The following ZNF362 variants were observed in gnomAD, a reference collection of about 807,000 sequenced individuals.
The protein encoded by ZNF362 is rotund homolog.
A neutral mutation model predicts 42.9 loss-of-function variants in ZNF362; 11 were observed. That is an observed-to-expected ratio of 0.26 (90% CI 0.16 to 0.42). ZNF362 has a LOEUF of 0.42. Among genes scored for constraint, ZNF362 ranks in the 20% least tolerant of loss-of-function variants. ZNF362 has a pLI of 1.00. For missense variants in ZNF362, 362 were observed against 576.2 expected (o/e 0.63, Z 3.81); for synonymous variants, 255 against 257.3 (o/e 0.99, Z 0.09).
chr1:33,250,814 AAGAAG>A, the ZNF362 span, among the ~76,000 whole-genome samples: 1 of 150,626 alleles, frequency 6.6e-6, no homozygotes, highest in African/African-American at 2.4e-5. Context: ...GGAGAAGAAG[AAGAAG>A]AGAAGAAGAA....
chr1:33,191,081 C>A, the ZNF362 span, among the ~76,000 whole-genome samples: 1 of 152,190 alleles, frequency 6.6e-6, no homozygotes, highest in Non-Finnish European at 1.5e-5. Flanking sequence ...AATTCCACTT[C>A]TTATTTTGTT....
chr1:33,281,741 G>A lies in ZNF362; in HGVS notation c.838G>A (p.Val280Ile), dbSNP rs745767522. ...LAQHLRIHLG[V>I]KPYHCSYCDK... The stretch of plus-strand genomic sequence containing the variant: ...CCAGCACCTGCGCATCCACCTGGGC[G>A]TCAAGCCCTACCACTGCTCCTACTG... Residue 280 changes from valine (V) to isoleucine (I), a missense_variant, in exon 6 of 9, where the codon GTC becomes ATC. Transcript: ENST00000539719. This position sits in a 1 kb window ranked among gnomAD's most constrained non-coding sequence, Gnocchi z 4.8. 6 of 1,614,096 alleles carry A rather than the reference G, an allele frequency of 3.7e-6. No individual in the cohort carries two copies. The highest frequency in any genetic ancestry group is 2.2e-5 in the East Asian group (1 of 44,894).
chr1:33,166,426 G>C, the ZNF362 span: 79 of 151,230 alleles, frequency 5.2e-4, 1 homozygote, highest in African/African-American at 1.8e-3. Flanking sequence ...AGGAACCAAA[G>C]CTGTACCAGT....
the ZNF362 span, among the ~76,000 whole-genome samples, chr1:33,234,995 C>T: frequency 6.6e-6 from 1 of 152,160 alleles, no homozygotes; most frequent in African/African-American, 2.4e-5. Flanking sequence ...GGCTTCCTCA[C>T]TCCCCCTGCA....
chr1:33,179,407 A>T, the ZNF362 span, among the ~76,000 whole-genome samples: 1 of 152,184 alleles, frequency 6.6e-6, no homozygotes, highest in African/African-American at 2.4e-5. Flanking sequence ...GTGCAGGCCT[A>T]CTCAAAGACT....
chr1:33,250,760 AAGAAAG>A, the ZNF362 span, among the ~76,000 whole-genome samples: 2 of 142,744 alleles, frequency 1.4e-5, no homozygotes, highest in South Asian at 2.3e-4. Context: ...AAAAAAAAAG[AAGAAAG>A]AAGAAGGAAG....
chr1:33,174,578 C>G, the ZNF362 span, among the ~76,000 whole-genome samples: 3 of 152,074 alleles, frequency 2.0e-5, no homozygotes, highest in Non-Finnish European at 4.4e-5. Flanking sequence ...GAGAGGTAGG[C>G]TGGGGGAGAG....
the ZNF362 span, among the ~76,000 whole-genome samples, chr1:33,239,760 A>G: frequency 4.6e-3 from 705 of 152,312 alleles, 2 homozygotes; most frequent in Non-Finnish European, 7.9e-3. Flanking sequence ...CGTGGAGATT[A>G]CAGGGATTAC....
At chr1:33,198,996 G>GA in the ZNF362 span, among the ~76,000 whole-genome samples, 1 of 151,694 alleles carries the variant, frequency 6.6e-6, no homozygotes, top group Non-Finnish European at 1.5e-5. Context: ...AACACAGAAA[G>GA]AAAAAAGACA....
chr1:33,296,775 A>AT (rs1329396469), intron 8 of ZNF362, among the ~76,000 whole-genome samples: 1 of 146,422 alleles, frequency 6.8e-6, no homozygotes, highest in East Asian at 2.0e-4. Flanking sequence ...AAGTTTGGAT[A>AT]TTTTTTCAGG....
At chr1:33,153,766 C>G in the ZNF362 span, among the ~76,000 whole-genome samples, 1 of 152,236 alleles carries the variant, frequency 6.6e-6, no homozygotes, top group Admixed American at 6.5e-5. Context: ...TCAGCAAATA[C>G]TTACTAAGCA....
chr1:33,147,454 C>T, the ZNF362 span: 133 of 1,613,776 alleles, frequency 8.2e-5, 1 homozygote, highest in Middle Eastern at 1.6e-4. The surrounding 1 kb of genome is among the most constrained non-coding windows in gnomAD (Gnocchi z 8.1). Flanking sequence ...GTAGAAGCCG[C>T]GGCTGGGCTG....
At chr1:33,275,119 A>C (rs763693256) in intron 2 of ZNF362, 40 of 985,320 alleles carry the variant, frequency 4.1e-5, no homozygotes, top group Admixed American at 6.1e-5. Flanking sequence ...TGATTTCTGT[A>C]AGAGAGAGAT....
rs995925840 is a variant in ZNF362, at chr1:33,294,705, G to A, written c.909-232G>A. ...TCTGGTGGTGGGCTGGGGACAGCTGGGACCTGTGGGAAGTAGGAGGCTCTG... is the reference window on the plus strand; with the variant it reads ...TCTGGTGGTGGGCTGGGGACAGCTGAGACCTGTGGGAAGTAGGAGGCTCTG... On this transcript the variant is annotated intron_variant, in intron 6 of 8. Coordinates refer to ENST00000539719, the MANE Select transcript of ZNF362 (RefSeq NM_152493.3). This position sits in a 1 kb window ranked among gnomAD's most constrained non-coding sequence, Gnocchi z 4.2. 6.6e-6 allele frequency among the ~76,000 whole-genome samples: 1 copy of A among 152,126 alleles called. No individual in the cohort carries two copies. The highest frequency in any genetic ancestry group is 1.5e-5 in the Non-Finnish European group (1 of 68,018).
chr1:33,210,320 T>C, the ZNF362 span, among the ~76,000 whole-genome samples: 1 of 152,300 alleles, frequency 6.6e-6, no homozygotes, highest in East Asian at 1.9e-4. Flanking sequence ...TCTTTTACAT[T>C]TGCTGAGGAG....
At chr1:33,186,826 G>A in the ZNF362 span, among the ~76,000 whole-genome samples, 100 of 33,816 alleles carry the variant, frequency 3.0e-3, no homozygotes, top group African/African-American at 0.01. Flanking sequence ...AAAAAAAAAA[G>A]AAATGAGTTC....
At chr1:33,284,820 C>G (rs1646020769) in intron 6 of ZNF362, among the ~76,000 whole-genome samples, 3 of 152,204 alleles carry the variant, frequency 2.0e-5, no homozygotes, top group Admixed American at 1.3e-4. Context: ...TCCTGTTCCT[C>G]TGATCCTGGG....
chr1:33,166,221 A>G, the ZNF362 span: 3 of 152,298 alleles, frequency 2.0e-5, no homozygotes, highest in Non-Finnish European at 4.4e-5. Flanking sequence ...CACTGATCCT[A>G]CATCATGTTG....
At position 33,276,819 on chromosome 1, in the gene ZNF362, C is replaced by T. The variant is rs367827612; in HGVS notation, c.349+225C>T. 1.1e-4 allele frequency among the ~76,000 whole-genome samples: 17 copies of T among 152,358 alleles called. No homozygotes were observed. The South Asian group carries it at 1.4e-3, about 13-fold the overall frequency. On this transcript the variant is annotated intron_variant, in intron 4 of 8. Transcript: ENST00000539719. ...AGGACCCTTCTCCCCCCAGTGGACACGACAGGAGCCGGTCACTGCCCCATG... is the reference window on the plus strand; with the variant it reads ...AGGACCCTTCTCCCCCCAGTGGACATGACAGGAGCCGGTCACTGCCCCATG...
Sources: gnomAD v4.1 joint callset for allele counts (sites outside exome capture counted in the v4.1 genomes callset) on GRCh38, gnomAD v4.1.1 for gene constraint, Gnocchi (gnomAD v3.1) non-coding constraint, MANE v1.5 for transcripts, NCBI Gene and HGNC (gene_info 2026-07-23, HGNC 2026-07-21) for gene names.